TJP2: variants seen among roughly 807,000 people sequenced by gnomAD.
The protein encoded by TJP2 is Friedreich ataxia region gene X104 (tight junction protein ZO-2).
A neutral mutation model predicts 133.1 loss-of-function variants in TJP2; 91 were observed. The ratio of observed to expected loss-of-function variants is 0.68; its 90% CI spans 0.58 to 0.81. The LOEUF (loss-of-function observed/expected upper bound fraction) is 0.81, where lower values mean the gene tolerates loss of function less well. Among genes scored for constraint, TJP2 ranks in the 40% least tolerant of loss-of-function variants. The pLI, the probability that TJP2 is intolerant of heterozygous loss-of-function variation, is 0.00. For missense variants in TJP2, 1,541 were observed against 1,565.6 expected (o/e 0.98, Z 0.26); for synonymous variants, 592 against 583.4 (o/e 1.01, Z -0.21).
chr9:69,233,483 G>A (rs1348658256), intron 11 of TJP2, among the ~76,000 whole-genome samples: 2 of 152,180 alleles, frequency 1.3e-5, no homozygotes, highest in Admixed American at 6.5e-5. Context: ...GAAAGATACA[G>A]AACTATGGGC....
At position 69,254,311 on chromosome 9, in the gene TJP2, G is replaced by A. The variant is rs776209438; in HGVS notation, c.3510G>A (p.Leu1170=). 1 of 1,614,254 alleles carries A rather than the reference G, an allele frequency of 6.2e-7. No homozygotes were observed. Residue 1170 remains leucine (L), a synonymous_variant, in exon 23 of 23, where the codon CTG becomes CTA. Coordinates refer to ENST00000377245, the MANE Select transcript of TJP2 (RefSeq NM_004817.4). The part of the protein sequence containing the change: ...DAEEEEYRQQ[L]SEHSKRGYYG... ...AGGAGGAGGAGTACCGCCAGCAGCT[G>A]TCAGAACACTCCAAGCGCGGTTACT...
Position 69,123,334 on chromosome 9 carries a change from G to A in TJP2, c.-131+1609G>A, listed in dbSNP as rs1463560243. On this transcript the variant is annotated intron_variant, in intron 1 of 5. Transcript: ENST00000423935. Reference sequence around the variant, plus strand: ...TAAAGTAAAATGTAGTATTTTAGCCGTTTAAAAATGGACCCTTAATTCAAT... The same window carrying A: ...TAAAGTAAAATGTAGTATTTTAGCCATTTAAAAATGGACCCTTAATTCAAT... Among the ~76,000 whole-genome samples the A allele has an allele frequency of 7.9e-5, 6 of 75,930 alleles. 3 individuals are homozygous for A. Among genetic ancestry groups the A allele is most frequent in the Admixed American group, 3.9e-4 (2 of 5,186 alleles). The allele number at this position is 75,930 out of a possible 152,430, so 49.8% of individuals were successfully genotyped here. A position where few individuals can be genotyped will look rare whatever the true frequency, so the allele number is the denominator to read the frequency against.
rs1380850486 is a variant in TJP2 at position 69,163,022 on chromosome 9, TTTA to T, written c.-10+11254_-10+11256del. 7.3e-4 allele frequency among the ~76,000 whole-genome samples: 50 copies of T among 68,638 alleles called. 12 individuals are homozygous for T. Among genetic ancestry groups the T allele is most frequent in the South Asian group, 1.8e-3 (5 of 2,810 alleles). The allele number at this position is 68,638 out of a possible 152,430, so 45.0% of individuals were successfully genotyped here. ...ATTATTTTTTAAAAAGTATCTTTAT[TTTA>T]TTTTATTTTTTTTTTTTTGAGACGG... On this transcript the variant is annotated intron_variant, in intron 2 of 5. Transcript: ENST00000423935.
At chr9:69,151,519 C>T (rs1823479076) in intron 1 of TJP2, 1 of 764,326 alleles carries the variant, frequency 1.3e-6, no homozygotes, top group East Asian at 3.6e-5. Context: ...AGTTGCATAA[C>T]TCTGTGAAGG....
intron 4 of TJP2, 110 bp downstream of exon 4, chr9:69,218,469 C>A (rs944100765): frequency 1.2e-6 from 1 of 803,806 alleles, no homozygotes; most frequent in African/African-American, 1.7e-5. Context: ...AACCTAGGGA[C>A]CGCTGTTCTT....
At position 69,226,117 on chromosome 9, in the gene TJP2, C is replaced by T; in HGVS notation, c.1152C>T (p.Asp384=). The T allele has an allele frequency of 6.2e-7, 1 of 1,614,124 alleles. No individual in the cohort carries two copies. ...RGKLQLVVLR[D]SQQTLINIPS... Reference sequence around the variant, plus strand: ...AACTACAGCTAGTGGTGTTGAGAGACAGCCAGCAGACCCTCATCAACATCC... The same window carrying T: ...AACTACAGCTAGTGGTGTTGAGAGATAGCCAGCAGACCCTCATCAACATCC... Residue 384 remains aspartate (D), a synonymous_variant, in exon 7 of 23, where the codon GAC becomes GAT. Coordinates refer to ENST00000377245, the MANE Select transcript of TJP2 (RefSeq NM_004817.4).
intron 2 of TJP2, among the ~76,000 whole-genome samples, chr9:69,153,069 A>T (rs117957456): frequency 0.059 from 8,998 of 151,678 alleles, 742 homozygotes; most frequent in Admixed American, 0.23. Flanking sequence ...ATTTAAAAAA[A>T]AATAATAATA....
chr9:69,166,752 A>T (rs1824378144), intron 2 of TJP2, among the ~76,000 whole-genome samples: 1 of 151,880 alleles, frequency 6.6e-6, no homozygotes, highest in Non-Finnish European at 1.5e-5. Flanking sequence ...GGCGTGAGCC[A>T]CCGTGCCCAG....
At chr9:69,248,645 C>G in intron 19 of TJP2, 1 of 1,070,408 alleles carries the variant, frequency 9.3e-7, no homozygotes, top group African/African-American at 1.7e-5. Flanking sequence ...CTTGCCAAAG[C>G]TCTTGAGTGT....
intron 17 of TJP2, 46 bp from the exon 18 acceptor site, chr9:69,246,644 A>G (rs1563957505): frequency 6.6e-7 from 1 of 1,504,244 alleles, no homozygotes; most frequent in Non-Finnish European, 9.3e-7. Context: ...CTTAATAAAC[A>G]TGCCTCTGGA....
intron 1 of TJP2, among the ~76,000 whole-genome samples, chr9:69,140,463 G>T (rs1822971693): frequency 6.6e-6 from 1 of 152,204 alleles, no homozygotes; most frequent in African/African-American, 2.4e-5. Flanking sequence ...AGTGGGAGGG[G>T]TGTGTCAGCA....
At chr9:69,253,783 T>G in intron 22 of TJP2, 1 of 296,202 alleles carries the variant, frequency 3.4e-6, no homozygotes, top group South Asian at 3.4e-5. Flanking sequence ...AGTCTAGTTT[T>G]CCAGTGATAG....
chr9:69,156,465 G>T (rs1823763538), intron 2 of TJP2, among the ~76,000 whole-genome samples: 1 of 151,568 alleles, frequency 6.6e-6, no homozygotes, highest in South Asian at 2.1e-4. Flanking sequence ...GGTGGTCAGA[G>T]TACAGCTTGC....
chr9:69,239,324 A>G (rs1184011390), intron 16 of TJP2, among the ~76,000 whole-genome samples: 1 of 152,130 alleles, frequency 6.6e-6, no homozygotes, highest in Non-Finnish European at 1.5e-5. Flanking sequence ...AAAAATATAT[A>G]TATAATGTAA....
chr9:69,218,700 G>C (rs529732847), intron 4 of TJP2, among the ~76,000 whole-genome samples: 1 of 152,276 alleles, frequency 6.6e-6, no homozygotes, highest in East Asian at 1.9e-4. Flanking sequence ...CACTTGTAAA[G>C]GCCCAAGCAA....
rs907638504 is a variant in TJP2, at chr9:69,186,173, ATG to A, written c.60+11744_60+11745del. Among the ~76,000 whole-genome samples, 19 of 152,334 alleles carry A rather than the reference ATG, an allele frequency of 1.2e-4. No homozygotes were observed. The East Asian group carries it at 3.7e-3, about 29-fold the overall frequency. ...GAACCGAGTTTTTCTTAACTTTAGA[ATG>A]TGAATTTTTTCCTCCTTCAAATACT... On this transcript the variant is annotated intron_variant, in intron 1 of 22. Coordinates refer to ENST00000377245, the MANE Select transcript of TJP2 (RefSeq NM_004817.4).
chr9:69,251,188 A>G lies in TJP2; in HGVS notation c.3145A>G (p.Ile1049Val), dbSNP rs200145911. The change falls in exon 21 of 23, where the codon ATA (isoleucine) becomes GTA (valine). Residue 1049 changes from isoleucine (I) to valine (V), a missense_variant. Coordinates refer to ENST00000377245, the MANE Select transcript of TJP2 (RefSeq NM_004817.4). ...VAAKPTFGRS[I>V]LKPSTPIPPQ... ...AGCAAAACCTACCTTTGGGCGGTCT[A>G]TACTGAAGCCCTCCACTCCCATCCC... 14 of 1,614,152 alleles carry G rather than the reference A, an allele frequency of 8.7e-6. No individual in the cohort carries two copies. Among genetic ancestry groups the G allele is most frequent in the East Asian group, 6.7e-5 (3 of 44,884 alleles).
In TJP2 at chr9:69,223,584, G is replaced by C. The variant is rs922581828; in HGVS notation, c.953-1720G>C. 3.3e-5 allele frequency among the ~76,000 whole-genome samples: 5 copies of C among 152,226 alleles called. No individual in the cohort carries two copies. In the East Asian group the frequency reaches 7.7e-4, roughly 23 times the overall value. On this transcript the variant is annotated intron_variant, in intron 5 of 22. Transcript: ENST00000377245. ...AGCCTCCCGAAGTGCTGGGATTACA[G>C]GCGTGAGCCCCCATGCTTGGCCAAT...
chr9:69,253,209 G>A lies in TJP2; in HGVS notation c.3407+309G>A, dbSNP rs1486163567. 5.0e-5 allele frequency: 20 copies of A among 398,306 alleles called. No homozygotes were observed. The South Asian group carries it at 5.3e-4, about 11-fold the overall frequency. 24.7% of individuals were successfully genotyped at this position (398,306 alleles called of 1,614,324 possible). On this transcript the variant is annotated intron_variant, in intron 22 of 22. Coordinates refer to ENST00000377245, the MANE Select transcript of TJP2 (RefSeq NM_004817.4). ...GTTAGCACATGAGCAGAATTCCTACGGCTTAGACCTGTTTTGTCTTGTTTG... is the reference window on the plus strand; with the variant it reads ...GTTAGCACATGAGCAGAATTCCTACAGCTTAGACCTGTTTTGTCTTGTTTG...
Sources: allele counts gnomAD v4.1 joint callset (sites outside exome capture counted in the v4.1 genomes callset), GRCh38; gene constraint gnomAD v4.1.1; transcripts MANE v1.5; gene names NCBI Gene and HGNC (gene_info 2026-07-23, HGNC 2026-07-21).